The following SLC28A1 variants were observed in gnomAD, a reference collection of about 807,000 sequenced individuals.
SLC28A1 encodes sodium/nucleoside cotransporter 1.
SLC28A1 carries 64 observed loss-of-function variants against 74.8 expected under a neutral mutation model. The observed-to-expected ratio is 0.86, with a 90% CI of 0.70 to 1.05. The LOEUF is 1.05. SLC28A1 is among the 50% of genes least tolerant of loss of function. The pLI is 0.00. For synonymous variants in SLC28A1, 359 were observed against 335.0 expected, an observed-to-expected ratio of 1.07 and a Z score of -0.78; for missense variants, 828 against 822.8, an observed-to-expected ratio of 1.01 and a Z score of -0.08.
At chr15:84,899,936 A>AAGGAAGGAAGG (rs1567129840) in intron 6 of SLC28A1, among the ~76,000 whole-genome samples, 14 of 70,860 alleles carry the variant, frequency 2.0e-4, no homozygotes, top group Admixed American at 8.1e-4. Context: ...GGAAAGAAAG[A>AAGGAAGGAAGG]AAGAAAGGAA....
downstream of SLC28A1, among the ~76,000 whole-genome samples, chr15:84,950,225 C>G (rs942945576): frequency 1.3e-5 from 2 of 152,162 alleles, no homozygotes; most frequent in African/African-American, 4.8e-5. Flanking sequence ...CAAAAGAAAT[C>G]AACGTGGCTA....
the SLC28A1 span, among the ~76,000 whole-genome samples, chr15:84,960,455 A>G: frequency 6.6e-6 from 1 of 151,804 alleles, no homozygotes; most frequent in Admixed American, 6.6e-5. Flanking sequence ...ACAGGGTTGC[A>G]CTATGTTGCC....
rs1323498907 is a variant in SLC28A1, at chr15:84,943,527, G to A, written c.1663+1G>A. ...ATTGGGATCATGCTGGGAGGCTTGA[G>A]TGAGTCTAATCAGGGCCTCACCAGT... On this transcript the variant is annotated splice_donor_variant, in intron 16 of 18. Transcript: ENST00000394573. LOFTEE classifies it high-confidence loss of function. The A allele has an allele frequency of 1.2e-6, 2 of 1,612,382 alleles. No homozygotes were observed. Among genetic ancestry groups the A allele is most frequent in the Non-Finnish European group, 1.7e-6 (2 of 1,178,338 alleles).
chr15:84,923,500 G>C (rs770697353), intron 11 of SLC28A1, among the ~76,000 whole-genome samples: 1 of 152,098 alleles, frequency 6.6e-6, no homozygotes, highest in Non-Finnish European at 1.5e-5. Flanking sequence ...GAAGGGCTTC[G>C]GGCTGCCCAG....
At chr15:84,903,968 C>T (rs948452641) in intron 6 of SLC28A1, 129 bp from the exon 7 acceptor site, 13 of 1,235,750 alleles carry the variant, frequency 1.1e-5, no homozygotes, top group Non-Finnish European at 1.5e-5. Flanking sequence ...GTGCTCTTTC[C>T]ACTCTGCTGT....
At chr15:84,893,645 A>C (rs1022020125) in intron 5 of SLC28A1, among the ~76,000 whole-genome samples, 4 of 151,940 alleles carry the variant, frequency 2.6e-5, no homozygotes, top group Non-Finnish European at 5.9e-5. Context: ...TGGGTCCTCT[A>C]TCCTTGCAGG....
At chr15:84,971,416 G>C in the SLC28A1 span, among the ~76,000 whole-genome samples, 26 of 152,256 alleles carry the variant, frequency 1.7e-4, no homozygotes, top group African/African-American at 6.0e-4. Context: ...CAATGAGCGA[G>C]CTCTTGCTTT....
At position 84,905,535 on chromosome 15, in the gene SLC28A1, G is replaced by A. The variant is rs1400647226; in HGVS notation, c.604-4G>A. On this transcript the variant is annotated splice_region_variant and splice_polypyrimidine_tract_variant and intron_variant, in intron 7 of 18. Transcript: ENST00000394573. ...ACTCAGCTTTCTGTTGGGTGGGGTG[G>A]TAGGTGTCCTGGAGGGCCGTGTCTT... 2 of 1,599,694 alleles carry A rather than the reference G, an allele frequency of 1.3e-6. No homozygotes were observed. The highest frequency in any genetic ancestry group is 1.7e-4 in the Middle Eastern group (1 of 6,032).
chr15:84,950,294 C>T (rs544722395), downstream of SLC28A1, among the ~76,000 whole-genome samples: 13 of 151,216 alleles, frequency 8.6e-5, no homozygotes, highest in African/African-American at 3.2e-4. Context: ...CAGGCACCAA[C>T]ATCAGGCTGA....
chr15:84,899,383 C>T (rs1966357038), intron 6 of SLC28A1, among the ~76,000 whole-genome samples: 1 of 151,640 alleles, frequency 6.6e-6, no homozygotes, highest in East Asian at 1.9e-4. Flanking sequence ...AAAAAAAATC[C>T]AAATAGGATG....
At chr15:84,932,991 GTAT>G (rs3217613) in intron 12 of SLC28A1, among the ~76,000 whole-genome samples, 151 bp from the exon 13 acceptor site, 61,794 of 151,700 alleles carry the variant, frequency 0.41, 13,636 homozygotes, top group East Asian at 0.87. Context: ...CACATAAAAG[GTAT>G]TATTATTATT....
chr15:84,907,795 A>G (rs949696999), intron 8 of SLC28A1, among the ~76,000 whole-genome samples: 4 of 152,218 alleles, frequency 2.6e-5, no homozygotes, highest in Non-Finnish European at 4.4e-5. Context: ...GTGGAGCATG[A>G]GAACCCTGCC....
intron 1 of SLC28A1, chr15:84,886,123 G>A (rs923213217): frequency 3.2e-5 from 32 of 985,064 alleles, no homozygotes; most frequent in African/African-American, 3.1e-4. Flanking sequence ...TTTGCACACC[G>A]TTGGCTTAGG....
the SLC28A1 span, among the ~76,000 whole-genome samples, chr15:84,956,430 T>TCTTCCTTCCTTCCTTCCTTCCTTC: frequency 3.0e-4 from 38 of 128,448 alleles, no homozygotes; most frequent in Admixed American, 5.4e-4. Context: ...TCCTTCTTTC[T>TCTTCCTTCCTTCCTTCCTTCCTTC]CTTCCTTCCT....
At position 84,894,950 on chromosome 15, in the gene SLC28A1, C is replaced by G. The variant is rs144931395; in HGVS notation, c.288C>G (p.Ala96=). The G allele has an allele frequency of 6.2e-7, 1 of 1,614,118 alleles. No individual in the cohort carries two copies. Among genetic ancestry groups the G allele is most frequent in the South Asian group, 1.1e-5 (1 of 91,078 alleles). The change falls in exon 6 of 19, where the codon GCC becomes GCG. Residue 96 remains alanine, a synonymous_variant. Coordinates refer to ENST00000394573, the MANE Select transcript of SLC28A1 (RefSeq NM_004213.5). ...GTGLLCTGLS[A]FLLVACLLDF... ...TGTCTCATCCCCCAGGGCTCTCTGCCTTCCTGCTGGTGGCCTGCCTCCTGG... is the reference window on the plus strand; with the variant it reads ...TGTCTCATCCCCCAGGGCTCTCTGCGTTCCTGCTGGTGGCCTGCCTCCTGG...
At chr15:84,969,256 C>T in the SLC28A1 span, among the ~76,000 whole-genome samples, 1 of 152,242 alleles carries the variant, frequency 6.6e-6, no homozygotes, top group Non-Finnish European at 1.5e-5. Context: ...CTGAGGTTGC[C>T]ACCACGGGCC....
At chr15:84,892,058 C>G (rs1190862146) in intron 5 of SLC28A1, among the ~76,000 whole-genome samples, 1 of 151,978 alleles carries the variant, frequency 6.6e-6, no homozygotes, top group African/African-American at 2.4e-5. Context: ...AGGGGCCAGG[C>G]ATGGCAGGTG....
intron 12 of SLC28A1, among the ~76,000 whole-genome samples, chr15:84,930,801 G>A (rs756106410): frequency 9.3e-5 from 14 of 150,952 alleles, no homozygotes; most frequent in East Asian, 3.9e-4. Flanking sequence ...ATGGAGTCTC[G>A]CACTATTGCC....
chr15:84,950,234 T>A (rs1335015636), downstream of SLC28A1, among the ~76,000 whole-genome samples: 3 of 152,182 alleles, frequency 2.0e-5, no homozygotes, highest in Non-Finnish European at 4.4e-5. Flanking sequence ...TCAACGTGGC[T>A]ATGAGTGAAT....
Sources: gnomAD v4.1 joint callset for allele counts (sites outside exome capture counted in the v4.1 genomes callset) on GRCh38, gnomAD v4.1.1 for gene constraint, MANE v1.5 for transcripts, NCBI Gene and HGNC (gene_info 2026-07-23, HGNC 2026-07-21) for gene names.